SLC26A1: variants seen among roughly 807,000 people sequenced by gnomAD.
SLC26A1 encodes the protein sulfate anion transporter 1.
Under a neutral mutation model 14.5 loss-of-function variants are expected in SLC26A1, and 18 were observed. The ratio of observed to expected loss-of-function variants is 1.24; its 90% CI spans 0.86 to 1.84. The LOEUF (loss-of-function observed/expected upper bound fraction) is 1.84, where lower values mean the gene tolerates loss of function less well. Ranked by LOEUF, SLC26A1 falls within the 40% of genes most tolerant of loss-of-function variation. SLC26A1 has a pLI of 0.00. For missense variants in SLC26A1, 1,049 were observed against 1,020.0 expected (o/e 1.03, Z -0.39); for synonymous variants, 505 against 492.0 (o/e 1.03, Z -0.35).
chr4:988,100 G>A lies in SLC26A1; in HGVS notation c.*733C>T, dbSNP rs568656042. ...AGAGCGTGTCCTTGCTGGCTGTGCTGGGGTGAGGGCTGTGTGCTGGAGGGA... is the reference window on the plus strand; with the variant it reads ...AGAGCGTGTCCTTGCTGGCTGTGCTAGGGTGAGGGCTGTGTGCTGGAGGGA... On this transcript the variant is annotated 3_prime_UTR_variant, in exon 3 of 3. Transcript: ENST00000398516. The A allele has an allele frequency of 1.9e-4, 276 of 1,446,958 alleles. No individual in the cohort carries two copies. The highest frequency in any genetic ancestry group is 1.9e-5 in the Non-Finnish European group (21 of 1,099,862). 89.6% of individuals were successfully genotyped at this position (1,446,958 alleles called of 1,614,324 possible). A position where few individuals can be genotyped will look rare whatever the true frequency, so the allele number is the denominator to read the frequency against.
downstream of SLC26A1, chr4:986,996 G>A (rs1369591168): frequency 2.1e-5 from 26 of 1,245,424 alleles, no homozygotes; most frequent in East Asian, 6.1e-4. Flanking sequence ...CCGCGGCGGC[G>A]GTCACATGGG....
rs1714023678 is a variant in SLC26A1, at chr4:989,299, T to C, written c.1640A>G (p.Tyr547Cys). 1.2e-6 allele frequency: 2 copies of C among 1,612,396 alleles called. No homozygotes were observed. The highest frequency in any genetic ancestry group is 4.5e-5 in the East Asian group (2 of 44,866). The change falls in exon 3 of 3, where the codon TAC (tyrosine) becomes TGC (cysteine). Residue 547 changes from tyrosine (Y) to cysteine (C), a missense_variant. By Grantham distance (194) the Tyr-to-Cys change is radical. Coordinates refer to ENST00000398516, the MANE Select transcript of SLC26A1 (RefSeq NM_022042.4). ...CAGGAAGAAGTCCTTGTTGGCATAG[T>C]ACAGCGGCCCCCCAAAGCGGAACAC... ...VRVFRFGGPL[Y>C]YANKDFFLQS... is the part of the protein sequence containing the mutation.
rs1391524900 is a variant in SLC26A1, at chr4:987,845, C to T, written c.*988G>A. The T allele has an allele frequency of 6.2e-7, 1 of 1,612,392 alleles. No homozygotes were observed. The highest frequency in any genetic ancestry group is 2.2e-5 in the East Asian group (1 of 44,876). On this transcript the variant is annotated 3_prime_UTR_variant, in exon 3 of 3. Transcript: ENST00000398516. ...CACACAGCCAGGCTGACCAGTACGT[C>T]CTCAGCTGGGACCAGCAGCTCAACC...
rs778948120 is a variant in SLC26A1, at chr4:988,847, C to A, written c.2092G>T (p.Asp698Tyr). ...GCCTGGCCCTGCTACAGATGGGCAT[C>A]GGTGGCCTCCAGCTCCCTGTGGCGG... ...RARHRELEAT[D>Y]AHL The change falls in exon 3 of 3, where the codon GAT (aspartate) becomes TAT (tyrosine). Residue 698 changes from aspartate to tyrosine, a missense_variant. By Grantham distance (160) the Asp-to-Tyr change is radical. Coordinates refer to ENST00000398516, the MANE Select transcript of SLC26A1 (RefSeq NM_022042.4). 1 of 1,599,744 alleles carries A rather than the reference C, an allele frequency of 6.3e-7. No homozygotes were observed. The highest frequency in any genetic ancestry group is 1.7e-5 in the Admixed American group (1 of 58,942).
Position 991,633 on chromosome 4 carries a change from G to C in SLC26A1, c.71C>G (p.Pro24Arg). ...CTTCAGCATCTCACGCAGACCCCGG[G>C]GTGCTGGGCGCTGCCGTCGGACCGG... ...PVPVRRQRPA[P>R]RGLREMLKAR... The change falls in exon 2 of 3, where the codon CCC (proline) becomes CGC (arginine). Residue 24 changes from proline (P) to arginine (R), a missense_variant. Transcript: ENST00000398516. 1 of 1,568,182 alleles carries C rather than the reference G, an allele frequency of 6.4e-7. No individual in the cohort carries two copies. The highest frequency in any genetic ancestry group is 2.2e-5 in the East Asian group (1 of 44,568).
At chr4:979,162 T>C (rs375590275) in exon 3 of SLC26A1, 24 of 386,704 alleles carry the variant, frequency 6.2e-5, no homozygotes, top group East Asian at 5.8e-4. Context: ...AAGTGTGCTT[T>C]GCTTTACAGA....
chr4:985,295 G>A (rs561609037), downstream of SLC26A1, among the ~76,000 whole-genome samples: 19 of 152,344 alleles, frequency 1.2e-4, no homozygotes, highest in African/African-American at 2.6e-4. Context: ...TGGAGTCGCC[G>A]CCCCAAAGCG....
At chr4:986,826 G>A (rs755441287), downstream of SLC26A1, 46 of 627,584 alleles carry the variant, frequency 7.3e-5, no homozygotes, top group Admixed American at 2.7e-4. Flanking sequence ...CGGGCGAAGC[G>A]TTCTTCTGAG....
At position 989,355 on chromosome 4, in the gene SLC26A1, G is replaced by A. The variant is rs755257434; in HGVS notation, c.1584C>T (p.Phe528=). Residue 528 remains phenylalanine (F), a synonymous_variant, in exon 3 of 3, where the codon TTC becomes TTT. Coordinates refer to ENST00000398516, the MANE Select transcript of SLC26A1 (RefSeq NM_022042.4). The stretch of plus-strand genomic sequence containing the variant: ...CGCCGGGCTCAGGGACGAGGCCCTC[G>A]AACTCTGTGGCATCCTCGTAGAAGG... ...DTAFYEDATE[F]EGLVPEPGVR... 45 of 1,595,170 alleles carry A rather than the reference G, an allele frequency of 2.8e-5. No homozygotes were observed. Among genetic ancestry groups the A allele is most frequent in the South Asian group, 1.4e-4 (12 of 88,682 alleles).
chr4:988,889 C>T lies in SLC26A1; in HGVS notation c.2050G>A (p.Val684Met), dbSNP rs376555831. The change falls in exon 3 of 3, where the codon GTG becomes ATG. Residue 684 changes from valine to methionine, a missense_variant. By Grantham distance (21) the Val-to-Met change is conservative. Transcript: ENST00000398516. Reference sequence around the variant, plus strand: ...CTGTGGCGGGCTCGTGCTGTCTGCACGGCATCGTGCACACTGAGGAACAGC... The same window carrying T: ...CTGTGGCGGGCTCGTGCTGTCTGCATGGCATCGTGCACACTGAGGAACAGC... ...EQLFLSVHDA[V>M]QTARARHREL... 30 of 1,602,272 alleles carry T rather than the reference C, an allele frequency of 1.9e-5. No individual in the cohort carries two copies. The highest frequency in any genetic ancestry group is 3.3e-4 in the Middle Eastern group (2 of 6,054).
chr4:989,092 C>G lies in SLC26A1; in HGVS notation c.1847G>C (p.Cys616Ser), dbSNP rs770778896. The G allele has an allele frequency of 4.4e-6, 7 of 1,600,688 alleles. No homozygotes were observed. Among genetic ancestry groups the G allele is most frequent in the African/African-American group, 4.0e-5 (3 of 74,546 alleles). Reference sequence around the variant, plus strand: ...TGCGTCTAGGAACAGCAGCGGGGCGCAGTCGATGACCACTGTGTGGAAGCC... The same window carrying G: ...TGCGTCTAGGAACAGCAGCGGGGCGGAGTCGATGACCACTGTGTGGAAGCC... ...AAGFHTVVID[C>S]APLLFLDAAG... The change falls in exon 3 of 3, where the codon TGC becomes TCC. Residue 616 changes from cysteine (C) to serine (S), a missense_variant. Cys to Ser is a moderately radical substitution (Grantham distance 112). Transcript: ENST00000398516.
At chr4:979,289 T>C (rs1045855718) in exon 3 of SLC26A1, 3 of 674,040 alleles carry the variant, frequency 4.5e-6, no homozygotes, top group Non-Finnish European at 5.2e-6. Flanking sequence ...CTGCCTTTTT[T>C]CCCCAGGTGC....
chr4:988,838 G>A lies in SLC26A1; in HGVS notation c.2101C>T (p.Leu701=), dbSNP rs764346334. Residue 701 remains leucine (L), a synonymous_variant, in exon 3 of 3, where the codon CTG becomes TTG. Transcript: ENST00000398516. ...HRELEATDAH[L] ...GCTGGGCAGGCCTGGCCCTGCTACA[G>A]ATGGGCATCGGTGGCCTCCAGCTCC... 1.9e-6 allele frequency: 3 copies of A among 1,593,948 alleles called. No individual in the cohort carries two copies. The highest frequency in any genetic ancestry group is 1.8e-4 in the Middle Eastern group (1 of 5,702).
At chr4:986,325 G>C (rs116438483), downstream of SLC26A1, among the ~76,000 whole-genome samples, 24 of 152,192 alleles carry the variant, frequency 1.6e-4, no homozygotes, top group Non-Finnish European at 3.4e-4. Flanking sequence ...TCGGGGTATT[G>C]GTTCCAGGAC....
Position 989,698 on chromosome 4 carries a change from A to C in SLC26A1, c.1241T>G (p.Leu414Arg). 6.4e-7 allele frequency: 1 copy of C among 1,561,530 alleles called. No individual in the cohort carries two copies. The highest frequency in any genetic ancestry group is 1.2e-5 in the South Asian group (1 of 85,018). The change falls in exon 3 of 3, where the codon CTG becomes CGG. Residue 414 changes from leucine to arginine, a missense_variant. Coordinates refer to ENST00000398516, the MANE Select transcript of SLC26A1 (RefSeq NM_022042.4). The stretch of plus-strand genomic sequence containing the variant: ...CACGGTGGCGCTGACCACGCTGGAC[A>C]GCTGTGTCCGGCAGCCAGTGGCTGT... ...VKTATGCRTQ[L>R]SSVVSATVVL...
At chr4:990,636 CGTTTT>C in intron 2 of SLC26A1, 1 of 495,786 alleles carries the variant, frequency 2.0e-6, no homozygotes, top group South Asian at 3.0e-5. Flanking sequence ...TGCAGCAGCC[CGTTTT>C]ATTTCAGAAT....
At position 987,872 on chromosome 4, in the gene SLC26A1, C is replaced by T. The variant is rs750898638; in HGVS notation, c.*961G>A. 6.0e-5 allele frequency: 97 copies of T among 1,612,188 alleles called. 1 individual carries two copies. The highest frequency in any genetic ancestry group is 3.1e-4 in the South Asian group (28 of 91,020). On this transcript the variant is annotated 3_prime_UTR_variant, in exon 3 of 3. Transcript: ENST00000398516. ...TCAGCTGGGACCAGCAGCTCAACCTCGCCTATGTGGGCGCCGTCCCTCACC... is the reference window on the plus strand; with the variant it reads ...TCAGCTGGGACCAGCAGCTCAACCTTGCCTATGTGGGCGCCGTCCCTCACC...
rs1714027067 is a variant in SLC26A1 at position 989,316 on chromosome 4, G to A, written c.1623C>T (p.Arg541=). ...TGGCATAGTACAGCGGCCCCCCAAA[G>A]CGGAACACCCGCACGCCGGGCTCAG... ...LVPEPGVRVF[R]FGGPLYYANK... Residue 541 remains arginine (R), a synonymous_variant, in exon 3 of 3, where the codon CGC becomes CGT. Coordinates refer to ENST00000398516, the MANE Select transcript of SLC26A1 (RefSeq NM_022042.4). 5 of 1,611,398 alleles carry A rather than the reference G, an allele frequency of 3.1e-6. No homozygotes were observed. Among genetic ancestry groups the A allele is most frequent in the Non-Finnish European group, 4.2e-6 (5 of 1,179,354 alleles).
rs564456023 is a variant in SLC26A1, at chr4:980,218, GAGA to G, written c.577-717_577-715del. Among the ~76,000 whole-genome samples, 680 of 152,348 alleles carry G rather than the reference GAGA, an allele frequency of 4.5e-3. 6 individuals carry two copies. Among genetic ancestry groups the G allele is most frequent in the African/African-American group, 0.016 (656 of 41,576 alleles). On this transcript the variant is annotated intron_variant, in intron 2 of 2. Coordinates refer to the SLC26A1 transcript ENST00000398520. ...AGGGACACTGGCTTTGTGTGACTGT[GAGA>G]AGGAGGCACCTGTGGGCTCTGGAGG...
Sources: gnomAD v4.1 joint callset for allele counts (sites outside exome capture counted in the v4.1 genomes callset) on GRCh38, gnomAD v4.1.1 for gene constraint, MANE v1.5 for transcripts, NCBI Gene and HGNC (gene_info 2026-07-23, HGNC 2026-07-21) for gene names.